ABCC10: variants seen among roughly 807,000 people sequenced by gnomAD.
ABCC10 encodes ATP-binding cassette sub-family C member 10.
Under a neutral mutation model 143.2 loss-of-function variants are expected in ABCC10, and 110 were observed. The ratio of observed to expected loss-of-function variants is 0.77; its 90% CI spans 0.66 to 0.90. The LOEUF (loss-of-function observed/expected upper bound fraction) is 0.90. Among genes scored for constraint, ABCC10 ranks in the 40% least tolerant of loss-of-function variants. The probability of loss-of-function intolerance (pLI) is 0.00; values close to 1 mark genes in which losing one functional copy is unlikely to be tolerated. For missense variants in ABCC10, 1,700 were observed against 1,900.5 expected (o/e 0.89, Z 1.96); for synonymous variants, 805 against 846.7 (o/e 0.95, Z 0.85).
In ABCC10 at chr6:43,444,161, A is replaced by G; in HGVS notation, c.2497A>G (p.Thr833Ala). 3 of 1,611,992 alleles carry G rather than the reference A, an allele frequency of 1.9e-6. No homozygotes were observed. The highest frequency in any genetic ancestry group is 2.5e-6 in the Non-Finnish European group (3 of 1,178,508). ...AENGQESDSA[T>A]AQSVQNPEKT... Reference sequence around the variant, plus strand: ...TCCATGACCCCTGATTCTCACAGCCACAGCCCAGTCAGTACAGAACCCAGA... The same window carrying G: ...TCCATGACCCCTGATTCTCACAGCCGCAGCCCAGTCAGTACAGAACCCAGA... The change falls in exon 12 of 22, where the codon ACA (threonine) becomes GCA (alanine). Residue 833 changes from threonine to alanine, a missense_variant and splice_region_variant. Coordinates refer to ENST00000372530, the MANE Select transcript of ABCC10 (RefSeq NM_001198934.2).
chr6:43,438,391 G>C, intron 7 of ABCC10: 1 of 1,424,290 alleles, frequency 7.0e-7, no homozygotes. Flanking sequence ...CTGAACAGAT[G>C]TAAGTACAAC....
In ABCC10 at chr6:43,449,534, G is replaced by C. The variant is rs367870783; in HGVS notation, c.4316G>C (p.Arg1439Thr). ...AAGACAGTGCTGACCATTGCCCATA[G>C]GTATGTAAACGCCTGGTAACAGCCT... The part of the protein sequence containing the change: ...ANKTVLTIAH[R>T]LNTILNSDRV... The change falls in exon 21 of 22, where the codon AGG (arginine) becomes ACG (threonine). Residue 1439 changes from arginine (R) to threonine (T), a missense_variant and splice_region_variant. By Grantham distance (71) the Arg-to-Thr change is moderately conservative. Coordinates refer to ENST00000372530, the MANE Select transcript of ABCC10 (RefSeq NM_001198934.2). 2 of 1,612,082 alleles carry C rather than the reference G, an allele frequency of 1.2e-6. No homozygotes were observed. Among genetic ancestry groups the C allele is most frequent in the Non-Finnish European group, 1.7e-6 (2 of 1,179,024 alleles).
At chr6:43,436,685 A>C (rs1225573071) in intron 6 of ABCC10, among the ~76,000 whole-genome samples, 2 of 152,258 alleles carry the variant, frequency 1.3e-5, no homozygotes, top group Non-Finnish European at 2.9e-5. Flanking sequence ...ATGCTACAGC[A>C]TACAAAGAAC....
Position 43,428,055 on chromosome 6 carries a change from G to T in ABCC10, c.77G>T (p.Gly26Val), listed in dbSNP as rs2127374841. 6.3e-7 allele frequency: 1 copy of T among 1,593,414 alleles called. No homozygotes were observed. Among genetic ancestry groups the T allele is most frequent in the Non-Finnish European group, 8.5e-7 (1 of 1,171,040 alleles). ...CCGCTGTGGGAGGGGGACACCACAG[G>T]CCACTGCTTCACCCAGCTGGTGCTC... The part of the protein sequence containing the change: ...PLPLWEGDTT[G>V]HCFTQLVLSA... The change falls in exon 2 of 22, where the codon GGC becomes GTC. Residue 26 changes from glycine (G) to valine (V), a missense_variant. Transcript: ENST00000372530.
Position 43,445,781 on chromosome 6 carries a change from GC to G in ABCC10, c.3215del (p.Pro1072ArgfsTer3). The G allele has an allele frequency of 1.2e-6, 2 of 1,614,126 alleles. No homozygotes were observed. The highest frequency in any genetic ancestry group is 1.7e-6 in the Non-Finnish European group (2 of 1,180,042). The part of the protein sequence containing the change: ...SGLPWLLLLL[P>X]PLSIMYYHVQ... ...GCCTGCCCTGGCTGCTGCTCCTGCT[GC>G]CGCCTTTGAGCATCATGTACTATCA... On this transcript the variant is annotated frameshift_variant, in exon 15 of 22. Coordinates refer to ENST00000372530, the MANE Select transcript of ABCC10 (RefSeq NM_001198934.2). LOFTEE classifies it high-confidence loss of function.
Position 43,434,852 on chromosome 6 carries a change from A to G in ABCC10, c.1608+4A>G, listed in dbSNP as rs907689075. 4.3e-6 allele frequency: 7 copies of G among 1,612,750 alleles called. No individual in the cohort carries two copies. Among genetic ancestry groups the G allele is most frequent in the African/African-American group, 1.3e-5 (1 of 74,900 alleles). ...GCACCAGCTCACTGCCACCAAGGTG[A>G]GGACCAGGAAGGAAGGGGACCAGCA... On this transcript the variant is annotated splice_donor_region_variant and intron_variant, in intron 4 of 21. Coordinates refer to ENST00000372530, the MANE Select transcript of ABCC10 (RefSeq NM_001198934.2).
At chr6:43,427,922 G>C in intron 1 of ABCC10, 46 bp from the exon 2 acceptor site, 1 of 1,604,772 alleles carries the variant, frequency 6.2e-7, no homozygotes, top group Non-Finnish European at 8.5e-7. Flanking sequence ...TGCAGGCAAA[G>C]CCGGCTGTTA....
downstream of ABCC10, among the ~76,000 whole-genome samples, chr6:43,451,444 G>A (rs1783728552): frequency 6.6e-6 from 1 of 152,228 alleles, no homozygotes. This position sits in a 1 kb window ranked among gnomAD's most constrained non-coding sequence, Gnocchi z 4.4. Flanking sequence ...TTCCCTAATT[G>A]TGAGGGTTGA....
intron 9 of ABCC10, 107 bp from the exon 10 acceptor site, chr6:43,442,863 A>G (rs1581761891): frequency 9.8e-7 from 1 of 1,018,180 alleles, no homozygotes; most frequent in Non-Finnish European, 1.4e-6. Flanking sequence ...CTGCTAGTGT[A>G]GGGGTAGCCC....
At chr6:43,446,917 G>T in intron 16 of ABCC10, 2 of 1,016,240 alleles carry the variant, frequency 2.0e-6, no homozygotes, top group Non-Finnish European at 2.4e-6. Context: ...GCACGATCTC[G>T]GCTCACTGCA....
chr6:43,449,275 G>A, intron 20 of ABCC10, 71 bp downstream of exon 20: 1 of 1,564,758 alleles, frequency 6.4e-7, no homozygotes, highest in Non-Finnish European at 8.7e-7. Flanking sequence ...GGGAGGTAGA[G>A]TGGGGAGAGG....
In ABCC10 at chr6:43,441,900, G is replaced by T. The variant is rs762640441; in HGVS notation, c.2166G>T (p.Lys722Asn). 1.1e-5 allele frequency: 17 copies of T among 1,613,780 alleles called. No homozygotes were observed. The highest frequency in any genetic ancestry group is 1.4e-5 in the Non-Finnish European group (17 of 1,179,914). The stretch of plus-strand genomic sequence containing the variant: ...GAGACCAGACAGAGGTGGGGGAGAA[G>T]GGTGTCACCCTTAGCGGAGGACAGC... Reference protein sequence around the residue: ...PAGDQTEVGEKGVTLSGGQRA... With the variant: ...PAGDQTEVGENGVTLSGGQRA... Residue 722 changes from lysine to asparagine, a missense_variant, in exon 9 of 22, where the codon AAG (lysine) becomes AAT (asparagine). By Grantham distance (94) the Lys-to-Asn change is moderately conservative (BLOSUM62 0). Transcript: ENST00000372530.
In ABCC10 at chr6:43,433,212, C is replaced by A; in HGVS notation, c.1232C>A (p.Thr411Asn). Residue 411 changes from threonine to asparagine, a missense_variant, in exon 3 of 22, where the codon ACC becomes AAC. By Grantham distance (65) the Thr-to-Asn change is moderately conservative. Coordinates refer to ENST00000372530, the MANE Select transcript of ABCC10 (RefSeq NM_001198934.2). ...GGCCTGCCCCTGCAACTGGCCATCACCCTCTACCTGCTGTACCAGCAGGTA... is the reference window on the plus strand; with the variant it reads ...GGCCTGCCCCTGCAACTGGCCATCAACCTCTACCTGCTGTACCAGCAGGTA... ...AWGLPLQLAI[T>N]LYLLYQQVGV... 1 of 1,614,180 alleles carries A rather than the reference C, an allele frequency of 6.2e-7. No homozygotes were observed. Among genetic ancestry groups the A allele is most frequent in the Non-Finnish European group, 8.5e-7 (1 of 1,180,004 alleles).
At chr6:43,441,712 T>G in intron 8 of ABCC10, 150 bp from the exon 9 acceptor site, 1 of 584,906 alleles carries the variant, frequency 1.7e-6, no homozygotes, top group Non-Finnish European at 3.1e-6. Context: ...AATTATGTCT[T>G]GTCTCCTCTG....
Position 43,449,132 on chromosome 6 carries a change from G to A in ABCC10, c.4131G>A (p.Glu1377=). The A allele has an allele frequency of 5.6e-6, 9 of 1,614,150 alleles. No homozygotes were observed. The highest frequency in any genetic ancestry group is 6.8e-6 in the Non-Finnish European group (8 of 1,179,998). ...GTGGTCTGGATGGTGAGCTGGGTGA[G>A]GGGGGCCGGAGCTTATCTCTTGGGC... ...SMGGLDGELG[E]GGRSLSLGQR... Residue 1377 remains glutamate, a synonymous_variant, in exon 20 of 22, where the codon GAG becomes GAA. Coordinates refer to ENST00000372530, the MANE Select transcript of ABCC10 (RefSeq NM_001198934.2).
rs1187663543 is a variant in ABCC10, at chr6:43,449,427, G to A, written c.4209G>A (p.Leu1403=). ...ARALLTDAKI[L]CIDEATASVD... ...ACCCCATTCCCATATTCCAGATCCT[G>A]TGTATCGATGAGGCCACAGCAAGTG... The change falls in exon 21 of 22, where the codon CTG becomes CTA. Residue 1403 remains leucine, a synonymous_variant. Transcript: ENST00000372530. The A allele has an allele frequency of 6.2e-7, 1 of 1,612,692 alleles. No individual in the cohort carries two copies. Among genetic ancestry groups the A allele is most frequent in the Admixed American group, 1.7e-5 (1 of 59,756 alleles).
At chr6:43,435,938 A>G in intron 5 of ABCC10, 31 bp downstream of exon 5, 1 of 1,613,256 alleles carries the variant, frequency 6.2e-7, no homozygotes, top group Non-Finnish European at 8.5e-7. Flanking sequence ...AGAACCTGGC[A>G]CAGGGTGAGG....
chr6:43,442,639 A>G (rs1183709530), intron 9 of ABCC10, among the ~76,000 whole-genome samples: 1 of 151,908 alleles, frequency 6.6e-6, no homozygotes, highest in Non-Finnish European at 1.5e-5. Context: ...CTGAGGTGGG[A>G]AGGATCACTT....
intron 3 of ABCC10, 132 bp from the exon 4 acceptor site, chr6:43,434,489 G>T: frequency 1.2e-6 from 1 of 822,444 alleles, no homozygotes; most frequent in Admixed American, 2.3e-5. Context: ...AGAAAACCAA[G>T]ACTAGGGCAG....
Sources: allele counts gnomAD v4.1 joint callset (sites outside exome capture counted in the v4.1 genomes callset), GRCh38; gene constraint gnomAD v4.1.1; non-coding constraint Gnocchi (gnomAD v3.1); transcripts MANE v1.5; gene names NCBI Gene and HGNC (gene_info 2026-07-23, HGNC 2026-07-21).